GPATCH8: variants seen among roughly 807,000 people sequenced by gnomAD.
The protein encoded by GPATCH8 is G patch domain-containing protein 8.
Under a neutral mutation model 118.3 loss-of-function variants are expected in GPATCH8, and 18 were observed. That is an observed-to-expected ratio of 0.15 (90% CI 0.11 to 0.23). The LOEUF (loss-of-function observed/expected upper bound fraction) is 0.23, where lower values mean the gene tolerates loss of function less well. Ranked by LOEUF, GPATCH8 falls within the 10% of genes least tolerant of loss-of-function variation. The pLI is 1.00. For missense variants in GPATCH8, 1,631 were observed against 1,873.8 expected (o/e 0.87, Z 2.39); for synonymous variants, 659 against 684.7 (o/e 0.96, Z 0.59).
chr17:44,398,914 C>T lies in GPATCH8; in HGVS notation c.3163G>A (p.Gly1055Arg), dbSNP rs777275340. 1.2e-6 allele frequency: 2 copies of T among 1,614,190 alleles called. No individual in the cohort carries two copies. Among genetic ancestry groups the T allele is most frequent in the South Asian group, 2.2e-5 (2 of 91,084 alleles). ...GGACCTGTTGCTTTACTGTCATCTC[C>T]TCTGCCATCATCTTTCTTCCCAGGA... is the stretch of plus-strand genomic sequence containing the variant. ...EGPGKKDDGR[G>R]DDSKATGPPS... is the part of the protein sequence containing the mutation. Residue 1055 changes from glycine (G) to arginine (R), a missense_variant, in exon 8 of 8, where the codon GGA becomes AGA. Coordinates refer to ENST00000591680, the MANE Select transcript of GPATCH8 (RefSeq NM_001002909.4).
chr17:44,483,734 T>C (rs938639709), intron 1 of GPATCH8, among the ~76,000 whole-genome samples: 1 of 151,926 alleles, frequency 6.6e-6, no homozygotes, highest in Admixed American at 6.6e-5. Flanking sequence ...CTCTGCCCCC[T>C]GGGTTCAAGT....
chr17:44,479,209 C>A (rs1382595743), intron 1 of GPATCH8, among the ~76,000 whole-genome samples: 1 of 152,210 alleles, frequency 6.6e-6, no homozygotes, highest in Non-Finnish European at 1.5e-5. Flanking sequence ...AAAAATCACA[C>A]AAGTTTTTCC....
chr17:44,436,029 CAAAAAAAAAAAAAA>C (rs1157048818), intron 4 of GPATCH8, among the ~76,000 whole-genome samples: 4 of 41,830 alleles, frequency 9.6e-5, no homozygotes, highest in Non-Finnish European at 1.7e-4. Context: ...AACTCCATCT[CAAAAAAAAAAAAAA>C]AAAAAAAAAA....
At chr17:44,406,499 G>GA (rs1039448534) in intron 6 of GPATCH8, among the ~76,000 whole-genome samples, 1 of 131,260 alleles carries the variant, frequency 7.6e-6, no homozygotes, top group Non-Finnish European at 1.6e-5. Context: ...GCTTACATGG[G>GA]GGGGGGGGGT....
rs1410143399 is a variant in GPATCH8 at position 44,397,581 on chromosome 17, C to T, written c.4496G>A (p.Ser1499Asn). Residue 1499 changes from serine (S) to asparagine (N), a missense_variant, in exon 8 of 8, where the codon AGC becomes AAC. Physicochemically the swap from Ser to Asn is conservative, Grantham distance 46. Around this residue, in one of 8 missense-constraint regions of GPATCH8, gnomAD observed 65 missense variants for 105.3 expected, o/e 0.62. Transcript: ENST00000591680. Reference sequence around the variant, plus strand: ...CCATCCCCCAACTCACGTGCCATGGCTGGGGGGATGTTGCAGGTCCTGACC... The same window carrying T: ...CCATCCCCCAACTCACGTGCCATGGTTGGGGGGATGTTGCAGGTCCTGACC... ...FSGQDLQHPPSHGT is the reference protein window; with the variant it reads ...FSGQDLQHPPNHGT 1 of 1,611,902 alleles carries T rather than the reference C, an allele frequency of 6.2e-7. No individual in the cohort carries two copies.
At chr17:44,442,421 C>A (rs1044054515) in intron 3 of GPATCH8, among the ~76,000 whole-genome samples, 6 of 152,020 alleles carry the variant, frequency 3.9e-5, no homozygotes, top group Non-Finnish European at 8.8e-5. Context: ...TTAAAGACGA[C>A]CTTAATGAAG....
chr17:44,442,904 T>A (rs1425969636), intron 3 of GPATCH8, among the ~76,000 whole-genome samples: 1 of 152,116 alleles, frequency 6.6e-6, no homozygotes, highest in Non-Finnish European at 1.5e-5. Context: ...AGAGCAAGAC[T>A]CTGTCTCTCC....
chr17:44,457,298 C>T lies in GPATCH8; in HGVS notation c.193+7174G>A, dbSNP rs1227527421. Among the ~76,000 whole-genome samples, 3 of 152,044 alleles carry T rather than the reference C, an allele frequency of 2.0e-5. No individual in the cohort carries two copies. In the East Asian group the frequency reaches 5.8e-4, roughly 29 times the overall value. On this transcript the variant is annotated intron_variant, in intron 3 of 7. Coordinates refer to ENST00000591680, the MANE Select transcript of GPATCH8 (RefSeq NM_001002909.4). ...CACTCCTGTATGCCCACAGAATGTA[C>T]CATTTTAATATTTCACAATAATGCC... is the stretch of plus-strand genomic sequence containing the variant.
At chr17:44,450,843 A>T (rs2051087035) in intron 3 of GPATCH8, among the ~76,000 whole-genome samples, 1 of 152,220 alleles carries the variant, frequency 6.6e-6, no homozygotes, top group Admixed American at 6.5e-5. Flanking sequence ...ATCAGCAAGT[A>T]TAGATGCACA....
At position 44,405,944 on chromosome 17, in the gene GPATCH8, T is replaced by C. The variant is rs1264660157; in HGVS notation, c.600A>G (p.Ala200=). The part of the protein sequence containing the change: ...EKALRRLHEL[A]EQRKQAECAP... ...ACCATTCAGCTTGTTTTCTTTGCTC[T>C]GCCAACTCATGGAGCCGCCGAAGGG... Residue 200 remains alanine (A), a synonymous_variant, in exon 7 of 8, where the codon GCA becomes GCG. Coordinates refer to ENST00000591680, the MANE Select transcript of GPATCH8 (RefSeq NM_001002909.4). The C allele has an allele frequency of 6.2e-7, 1 of 1,612,162 alleles. No homozygotes were observed. The highest frequency in any genetic ancestry group is 1.1e-5 in the South Asian group (1 of 91,042).
intron 3 of GPATCH8, among the ~76,000 whole-genome samples, chr17:44,448,395 GAA>G (rs1375251143): frequency 3.6e-5 from 5 of 139,958 alleles, no homozygotes; most frequent in Non-Finnish European, 7.5e-5. Flanking sequence ...CTGTCTCTAT[GAA>G]AAAAATTTAA....
intron 4 of GPATCH8, among the ~76,000 whole-genome samples, chr17:44,435,840 G>A (rs2144038086): frequency 6.7e-6 from 1 of 149,628 alleles, no homozygotes; most frequent in South Asian, 2.1e-4. Context: ...TGACCAATAT[G>A]ATGAAACCCT....
intron 6 of GPATCH8, among the ~76,000 whole-genome samples, chr17:44,414,115 A>ATGTGTG (rs770136100): frequency 1.2e-5 from 1 of 83,466 alleles, no homozygotes; most frequent in African/African-American, 4.6e-5. Flanking sequence ...GTATATATAT[A>ATGTGTG]TGTATATATA....
chr17:44,443,361 G>A (rs769024745), intron 3 of GPATCH8, among the ~76,000 whole-genome samples: 12 of 151,980 alleles, frequency 7.9e-5, no homozygotes, highest in Non-Finnish European at 1.5e-4. Flanking sequence ...CCAAACCAAA[G>A]CTTAATTTTT....
At chr17:44,413,545 G>A (rs898580438) in intron 6 of GPATCH8, among the ~76,000 whole-genome samples, 4 of 152,048 alleles carry the variant, frequency 2.6e-5, no homozygotes, top group East Asian at 1.9e-4. Flanking sequence ...GCAGTGGCGC[G>A]ATCTTGGCTC....
At chr17:44,452,005 T>A (rs1555636258) in intron 3 of GPATCH8, among the ~76,000 whole-genome samples, 1 of 152,048 alleles carries the variant, frequency 6.6e-6, no homozygotes, top group Non-Finnish European at 1.5e-5. Context: ...GCGTGGTGGC[T>A]TAAGCCTGTA....
chr17:44,472,438 C>T (rs1457245519), intron 2 of GPATCH8, among the ~76,000 whole-genome samples: 1 of 152,196 alleles, frequency 6.6e-6, no homozygotes, highest in African/African-American at 2.4e-5. Flanking sequence ...AAAAATATTT[C>T]AGTGTAGCCC....
At chr17:44,474,456 A>T (rs186471955) in intron 2 of GPATCH8, 280 of 294,666 alleles carry the variant, frequency 9.5e-4, no homozygotes, top group African/African-American at 5.9e-3. Context: ...CTTATGTAGG[A>T]ACATTTCATA....
At chr17:44,435,387 T>C (rs1006838945) in intron 4 of GPATCH8, among the ~76,000 whole-genome samples, 77 of 150,112 alleles carry the variant, frequency 5.1e-4, no homozygotes, top group Non-Finnish European at 9.9e-4. Context: ...TTCACTTCAA[T>C]GTTAATTTTC....
Sources: allele counts gnomAD v4.1 joint callset (sites outside exome capture counted in the v4.1 genomes callset), GRCh38; gene constraint gnomAD v4.1.1; regional missense constraint gnomAD v4.1.1; transcripts MANE v1.5; gene names NCBI Gene and HGNC (gene_info 2026-07-23, HGNC 2026-07-21).